Variants in TRPV2 observed in about 807,000 individuals in gnomAD.
TRPV2 encodes OTRPC2.
Under a neutral mutation model 91.0 loss-of-function variants are expected in TRPV2, and 58 were observed. That is an observed-to-expected ratio of 0.64 (90% CI 0.52 to 0.79). The LOEUF is 0.79. Among genes scored for constraint, TRPV2 ranks in the 30% least tolerant of loss-of-function variants. The pLI is 0.00. For missense variants in TRPV2, 807 were observed against 969.6 expected, an observed-to-expected ratio of 0.83 and a Z score of 2.23; for synonymous variants, 417 against 414.8, an observed-to-expected ratio of 1.01 and a Z score of -0.06.
At chr17:16,420,352 T>C in intron 3 of TRPV2, 104 bp downstream of exon 3, 1 of 1,375,606 alleles carries the variant, frequency 7.3e-7, no homozygotes, top group Non-Finnish European at 1.0e-6. Context: ...GTGAGTGTTC[T>C]CAGCAGCCCT....
rs2093381295 is a variant in TRPV2, at chr17:16,426,036, C to T, written c.925-63C>T. ...CTGCTGAGTCCTGGGTGTTTCCCAGCCTTGGCCCAGGATCAGTGCCAGGAA... is the reference window on the plus strand; with the variant it reads ...CTGCTGAGTCCTGGGTGTTTCCCAGTCTTGGCCCAGGATCAGTGCCAGGAA... On this transcript the variant is annotated intron_variant, in intron 5 of 14. Transcript: ENST00000338560. This position sits in a 1 kb window ranked among gnomAD's most constrained non-coding sequence, Gnocchi z 6.0. The T allele has an allele frequency of 6.3e-7, 1 of 1,586,648 alleles. No homozygotes were observed. The highest frequency in any genetic ancestry group is 8.6e-7 in the Non-Finnish European group (1 of 1,159,940).
rs1421347821 is a variant in TRPV2 at position 16,426,986 on chromosome 17, A to G, written c.1251+109A>G. The G allele has an allele frequency of 4.5e-5, 59 of 1,303,592 alleles. No individual in the cohort carries two copies. The highest frequency in any genetic ancestry group is 5.8e-5 in the Non-Finnish European group (55 of 949,386). The allele number at this position is 1,303,592 out of a possible 1,614,324, so 80.8% of individuals were successfully genotyped here. On this transcript the variant is annotated intron_variant, in intron 7 of 14. Transcript: ENST00000338560. This position sits in a 1 kb window ranked among gnomAD's most constrained non-coding sequence, Gnocchi z 6.0. ...CTGAGGCATGGGCTGCTGGAGTGAC[A>G]TTCCCAAGCTTATGGGAGCCAGCAC...
rs757089779 is a variant in TRPV2, at chr17:16,428,904, G to A, written c.1509G>A (p.Leu503=). The part of the protein sequence containing the change: ...EWYLPLLVSA[L]VLGWLNLLYY... ...ACCTGCCCCTGCTTGTGTCTGCGCT[G>A]GTGCTGGGCTGGCTGAACCTGCTTT... Residue 503 remains leucine (L), a synonymous_variant, in exon 10 of 15, where the codon CTG becomes CTA. Coordinates refer to ENST00000338560, the MANE Select transcript of TRPV2 (RefSeq NM_016113.5). 7.4e-6 allele frequency: 12 copies of A among 1,614,176 alleles called. No homozygotes were observed. In the South Asian group the frequency reaches 8.8e-5, roughly 12 times the overall value.
chr17:16,431,256 C>CATATATATATATAT (rs60066961), intron 10 of TRPV2, among the ~76,000 whole-genome samples: 55 of 67,774 alleles, frequency 8.1e-4, no homozygotes, highest in African/African-American at 3.1e-3. Context: ...TGATCTGAGA[C>CATATATATATATAT]ATATATATAT....
chr17:16,427,353 G>C, intron 7 of TRPV2, 96 bp from the exon 8 acceptor site: 3 of 1,220,724 alleles, frequency 2.5e-6, no homozygotes, highest in South Asian at 2.8e-5. Flanking sequence ...CCTCTCCACA[G>C]CTCAGGCTCA....
rs1286752604 is a variant in TRPV2, at chr17:16,423,672, G to A, written c.829G>A (p.Gly277Arg). ...CATGTATGATGGGCTCCTCCAAGCT[G>A]GGGCCCGCCTCTGCCCTACCGTGCA... Reference protein sequence around the residue: ...TSMYDGLLQAGARLCPTVQLE... With the variant: ...TSMYDGLLQARARLCPTVQLE... Residue 277 changes from glycine to arginine, a missense_variant, in exon 5 of 15, where the codon GGG becomes AGG. Gly to Arg is a moderately radical substitution (Grantham distance 125, BLOSUM62 -2). Transcript: ENST00000338560. The A allele has an allele frequency of 6.2e-7, 1 of 1,614,014 alleles. No individual in the cohort carries two copies. Among genetic ancestry groups the A allele is most frequent in the Non-Finnish European group, 8.5e-7 (1 of 1,180,036 alleles).
Position 16,423,688 on chromosome 17 carries a change from C to A in TRPV2, c.845C>A (p.Pro282His). 1.2e-6 allele frequency: 2 copies of A among 1,613,984 alleles called. No homozygotes were observed. ...GLLQAGARLC[P>H]TVQLEDIRNL... ...CTCCAAGCTGGGGCCCGCCTCTGCC[C>A]TACCGTGCAGCTTGAGGACATCCGC... is the stretch of plus-strand genomic sequence containing the variant. Residue 282 changes from proline (P) to histidine (H), a missense_variant, in exon 5 of 15, where the codon CCT becomes CAT. Physicochemically the swap from Pro to His is moderately conservative, Grantham distance 77. Transcript: ENST00000338560.
rs1200352898 is a variant in TRPV2, at chr17:16,426,050, C to T, written c.925-49C>T. 1 of 1,603,052 alleles carries T rather than the reference C, an allele frequency of 6.2e-7. No individual in the cohort carries two copies. On this transcript the variant is annotated intron_variant, in intron 5 of 14. Coordinates refer to ENST00000338560, the MANE Select transcript of TRPV2 (RefSeq NM_016113.5). The surrounding 1 kb of genome is among the most constrained non-coding windows in gnomAD (Gnocchi z 6.0). ...GTGTTTCCCAGCCTTGGCCCAGGAT[C>T]AGTGCCAGGAAGGGACCATGAATGC... is the stretch of plus-strand genomic sequence containing the variant.
intron 13 of TRPV2, among the ~76,000 whole-genome samples, chr17:16,434,254 G>A (rs1218718531): frequency 3.9e-5 from 6 of 152,100 alleles, no homozygotes; most frequent in African/African-American, 1.4e-4. Context: ...AAATCACGAG[G>A]TCAGGAGATC....
chr17:16,425,514 C>T lies in TRPV2; in HGVS notation c.925-585C>T, dbSNP rs150706377. On this transcript the variant is annotated intron_variant, in intron 5 of 14. Transcript: ENST00000338560. ...GGAGATTTTTGAAAGATTAAGGAAACGATAAACATAAATAGAAGTTTTAAC... is the reference window on the plus strand; with the variant it reads ...GGAGATTTTTGAAAGATTAAGGAAATGATAAACATAAATAGAAGTTTTAAC... Among the ~76,000 whole-genome samples, 35 of 152,290 alleles carry T rather than the reference C, an allele frequency of 2.3e-4. 1 individual carries two copies. Among genetic ancestry groups the T allele is most frequent in the Admixed American group, 9.2e-4 (14 of 15,296 alleles).
rs375556607 is a variant in TRPV2 at position 16,417,746 on chromosome 17, C to T, written c.78C>T (p.Asp26=). ...DGGQEDGSEA[D]RGKLDFGSGL... ...GCCAAGAAGATGGCTCTGAGGCGGA[C>T]AGAGGAAAGCTGGATTTTGGGAGCG... Residue 26 remains aspartate (D), a synonymous_variant, in exon 2 of 15, where the codon GAC becomes GAT. Transcript: ENST00000338560. The T allele has an allele frequency of 4.3e-6, 7 of 1,614,090 alleles. No individual in the cohort carries two copies. The African/African-American group carries it at 9.3e-5, about 22-fold the overall frequency.
At position 16,426,003 on chromosome 17, in the gene TRPV2, G is replaced by T; in HGVS notation, c.925-96G>T. The stretch of plus-strand genomic sequence containing the variant: ...CGTGTCAGCTGCAGCTCTGCAGACC[G>T]TGGGCAGCTGCTGAGTCCTGGGTGT... On this transcript the variant is annotated intron_variant, in intron 5 of 14. Coordinates refer to ENST00000338560, the MANE Select transcript of TRPV2 (RefSeq NM_016113.5). This position sits in a 1 kb window ranked among gnomAD's most constrained non-coding sequence, Gnocchi z 6.0. 29 of 1,388,880 alleles carry T rather than the reference G, an allele frequency of 2.1e-5. No individual in the cohort carries two copies. The highest frequency in any genetic ancestry group is 2.7e-5 in the Non-Finnish European group (27 of 992,562). The allele number at this position is 1,388,880 out of a possible 1,614,324, so 86.0% of individuals were successfully genotyped here.
Position 16,426,813 on chromosome 17 carries a change from T to G in TRPV2, c.1187T>G (p.Leu396Arg). ...ATCCCCAAGTTCTTCTTAAACTTCC[T>G]GTGTAATCTGATCTACATGTTCATC... ...LLIPKFFLNFLCNLIYMFIFT... is the reference protein window; with the variant it reads ...LLIPKFFLNFRCNLIYMFIFT... Residue 396 changes from leucine (L) to arginine (R), a missense_variant, in exon 7 of 15, where the codon CTG (leucine) becomes CGG (arginine). By Grantham distance (102) the Leu-to-Arg change is moderately radical. Coordinates refer to ENST00000338560, the MANE Select transcript of TRPV2 (RefSeq NM_016113.5). This position sits in a 1 kb window ranked among gnomAD's most constrained non-coding sequence, Gnocchi z 6.0. The G allele has an allele frequency of 6.2e-7, 1 of 1,614,094 alleles. No individual in the cohort carries two copies. The highest frequency in any genetic ancestry group is 8.5e-7 in the Non-Finnish European group (1 of 1,180,004).
At chr17:16,427,876 A>G (rs2093391219) in intron 8 of TRPV2, among the ~76,000 whole-genome samples, 1 of 152,080 alleles carries the variant, frequency 6.6e-6, no homozygotes, top group Admixed American at 6.5e-5. Flanking sequence ...GAGCACAGAG[A>G]CCAGAGGTAG....
At chr17:16,433,318 G>A in intron 12 of TRPV2, 1 of 444,908 alleles carries the variant, frequency 2.2e-6, no homozygotes, top group Non-Finnish European at 4.2e-6. Flanking sequence ...TACTCATAAG[G>A]TACAGACTTC....
chr17:16,424,208 A>G (rs1189986188), intron 5 of TRPV2, among the ~76,000 whole-genome samples: 2 of 146,026 alleles, frequency 1.4e-5, no homozygotes, highest in African/African-American at 5.2e-5. Context: ...CCCAGGCTGG[A>G]GTGCAGTGAC....
rs2093326437 is a variant in TRPV2, at chr17:16,415,577, T to C, written c.-364T>C. On this transcript the variant is annotated 5_prime_UTR_variant, in exon 1 of 15. Coordinates refer to ENST00000338560, the MANE Select transcript of TRPV2 (RefSeq NM_016113.5). The surrounding 1 kb of genome is among the most constrained non-coding windows in gnomAD (Gnocchi z 4.5). ...AGGGTGTGTCCAGATGGTCAGTCTC[T>C]GGTGGCTAGCCTGTCCTGACAGGGG... is the stretch of plus-strand genomic sequence containing the variant. 6.6e-6 allele frequency: 1 copy of C among 152,306 alleles called. No homozygotes were observed. The highest frequency in any genetic ancestry group is 1.5e-5 in the Non-Finnish European group (1 of 68,138). The allele number at this position is 152,306 out of a possible 1,614,324, so 9.4% of individuals were successfully genotyped here.
chr17:16,432,873 T>C (rs1190418555), intron 12 of TRPV2, among the ~76,000 whole-genome samples: 1 of 151,736 alleles, frequency 6.6e-6, no homozygotes, highest in Non-Finnish European at 1.5e-5. Context: ...TGGTGCAATC[T>C]TGGCTCACTG....
rs373733043 is a variant in TRPV2, at chr17:16,417,849, C to T, written c.181C>T (p.Arg61Ter). ...APQIRVNLNY[R>*]KGTGASQPDP... ...TCAGATAAGAGTCAACCTCAACTAC[C>T]GAAAGGGAACAGGTGCCAGGTGAGA... Residue 61 changes from arginine (R) to a stop codon, truncating the protein, a stop_gained, in exon 2 of 15, where the codon CGA (arginine) becomes TGA (stop). Coordinates refer to ENST00000338560, the MANE Select transcript of TRPV2 (RefSeq NM_016113.5). LOFTEE classifies it high-confidence loss of function. The T allele has an allele frequency of 1.4e-5, 22 of 1,614,054 alleles. No homozygotes were observed. The highest frequency in any genetic ancestry group is 2.7e-5 in the African/African-American group (2 of 75,036).
Sources: gnomAD v4.1 joint callset for allele counts (sites outside exome capture counted in the v4.1 genomes callset) on GRCh38, gnomAD v4.1.1 for gene constraint, Gnocchi (gnomAD v3.1) non-coding constraint, MANE v1.5 for transcripts, NCBI Gene and HGNC (gene_info 2026-07-23, HGNC 2026-07-21) for gene names.